Variants in KLF10 observed in about 807,000 individuals in gnomAD.
KLF10 encodes Krueppel-like factor 10.
KLF10 carries 17 observed loss-of-function variants against 31.6 expected under a neutral mutation model. That is an observed-to-expected ratio of 0.54 (90% CI 0.37 to 0.81). KLF10 has a LOEUF of 0.81. Ranked by LOEUF, KLF10 falls within the 30% of genes least tolerant of loss-of-function variation. The pLI, the probability that KLF10 is intolerant of heterozygous loss-of-function variation, is 0.00. For missense variants in KLF10, 525 were observed against 598.1 expected (o/e 0.88, Z 1.27); for synonymous variants, 239 against 215.1 (o/e 1.11, Z -0.97).
In KLF10 at chr8:102,655,617, C is replaced by T; in HGVS notation, c.-16G>A. ...AGTTGAGCATGGTTGGCTGCTTGGC[C>T]GCCGGCGGCAAGCTGACTGGCTGCT... On this transcript the variant is annotated 5_prime_UTR_variant, in exon 1 of 4. Transcript: ENST00000285407. 1 of 1,613,816 alleles carries T rather than the reference C, an allele frequency of 6.2e-7. No homozygotes were observed. Among genetic ancestry groups the T allele is most frequent in the Non-Finnish European group, 8.5e-7 (1 of 1,179,872 alleles).
Position 102,651,317 on chromosome 8 carries a change from T to C in KLF10, c.1015A>G (p.Thr339Ala). 6.2e-7 allele frequency: 1 copy of C among 1,601,104 alleles called. No homozygotes were observed. Among genetic ancestry groups the C allele is most frequent in the Non-Finnish European group, 8.5e-7 (1 of 1,174,128 alleles). Residue 339 changes from threonine to alanine, a missense_variant, in exon 3 of 4, where the codon ACC becomes GCC. Physicochemically the swap from Thr to Ala is moderately conservative, Grantham distance 58. Coordinates refer to ENST00000285407, the MANE Select transcript of KLF10 (RefSeq NM_005655.4). ...SKPPVVSPNG[T>A]RLSPIAPAPG... ...GCAGGGGCAATGGGAGAGAGTCTGG[T>C]GCCATTCGGGCTCACCACCGGAGGC...
intron 1 of KLF10, 43 bp from the exon 2 acceptor site, chr8:102,652,440 C>A: frequency 1.1e-5 from 12 of 1,103,706 alleles, no homozygotes; most frequent in Non-Finnish European, 1.4e-5. Context: ...TATTTTTTGT[C>A]ATCCAAATGA....
chr8:102,651,091 G>A (rs2131078479), intron 3 of KLF10, 58 bp downstream of exon 3: 10 of 1,425,828 alleles, frequency 7.0e-6, no homozygotes, highest in South Asian at 1.5e-5. Context: ...GTTTAAATGT[G>A]TGATCACAGC....
rs1242325946 is a variant in KLF10, at chr8:102,653,721, G to GT, written c.37-1325dup. 7 of 1,193,884 alleles carry GT rather than the reference G, an allele frequency of 5.9e-6. No homozygotes were observed. In the African/African-American group the frequency reaches 7.9e-5, roughly 14 times the overall value. The allele number at this position is 1,193,884 out of a possible 1,614,324, so 74.0% of individuals were successfully genotyped here. On this transcript the variant is annotated intron_variant, in intron 1 of 3. Coordinates refer to ENST00000285407, the MANE Select transcript of KLF10 (RefSeq NM_005655.4). ...GCTGCAATGGACAGCGCGCGTGTGT[G>GT]TAACAGCCCCAAGACGCCAATGCAA... is the stretch of plus-strand genomic sequence containing the variant.
At chr8:102,653,944 T>TG in intron 1 of KLF10, 1 of 987,004 alleles carries the variant, frequency 1.0e-6, no homozygotes, top group Non-Finnish European at 1.2e-6. Context: ...GACCGACGGA[T>TG]GGGGCCGCCC....
chr8:102,653,918 G>C (rs1226144899), intron 1 of KLF10: 1 of 987,070 alleles, frequency 1.0e-6, no homozygotes, highest in Non-Finnish European at 1.2e-6. Flanking sequence ...CGGCGGGGGA[G>C]ATCCTAGCTG....
Position 102,651,685 on chromosome 8 carries a change from G to T in KLF10, c.647C>A (p.Thr216Lys). Residue 216 changes from threonine to lysine, a missense_variant, in exon 3 of 4, where the codon ACA becomes AAA. By Grantham distance (78) the Thr-to-Lys change is moderately conservative. Coordinates refer to ENST00000285407, the MANE Select transcript of KLF10 (RefSeq NM_005655.4). ...TGCTTTCTCATCAACATCTGCCACT[G>T]TGTTTCTCTCACATTTGGATCTGTT... ...SPNRSKCERN[T>K]VADVDEKASA... is the part of the protein sequence containing the mutation. 6.2e-7 allele frequency: 1 copy of T among 1,614,228 alleles called. No individual in the cohort carries two copies. The highest frequency in any genetic ancestry group is 1.1e-5 in the South Asian group (1 of 91,090).
At chr8:102,650,902 T>A (rs1157794723) in intron 3 of KLF10, among the ~76,000 whole-genome samples, 1 of 152,204 alleles carries the variant, frequency 6.6e-6, no homozygotes, top group Non-Finnish European at 1.5e-5. Context: ...GAGGTCTCAG[T>A]ATGTTGCACA....
At chr8:102,650,864 T>C (rs1827191794) in intron 3 of KLF10, among the ~76,000 whole-genome samples, 2 of 152,246 alleles carry the variant, frequency 1.3e-5, no homozygotes. Flanking sequence ...AGTATTTACA[T>C]ACTTATTTTT....
At chr8:102,651,093 GATC>G in intron 3 of KLF10, 53 bp downstream of exon 3, 2 of 1,435,696 alleles carry the variant, frequency 1.4e-6, no homozygotes, top group Non-Finnish European at 1.9e-6. Flanking sequence ...TTAAATGTGT[GATC>G]ACAGCCAAAA....
rs1827292499 is a variant in KLF10 at position 102,654,009 on chromosome 8, C to CGTCCCCGCGCCCCT, written c.36+1543_36+1556dup. The stretch of plus-strand genomic sequence containing the variant: ...CTGGGAACATTCCTCGCCGCTCGCA[C>CGTCCCCGCGCCCCT]GTCCCCGCGCCCCTGCCCCCGCCAT... On this transcript the variant is annotated intron_variant, in intron 1 of 3. Coordinates refer to ENST00000285407, the MANE Select transcript of KLF10 (RefSeq NM_005655.4). The CGTCCCCGCGCCCCT allele has an allele frequency of 7.1e-6, 7 of 984,226 alleles. No individual in the cohort carries two copies. The South Asian group carries it at 2.8e-4, about 40-fold the overall frequency. 61.0% of individuals were successfully genotyped at this position (984,226 alleles called of 1,614,324 possible). A position where few individuals can be genotyped will look rare whatever the true frequency, so the allele number is the denominator to read the frequency against.
chr8:102,653,706 A>C (rs1827275902), intron 1 of KLF10: 1 of 1,234,538 alleles, frequency 8.1e-7, no homozygotes, highest in Non-Finnish European at 1.0e-6. Flanking sequence ...GCTGCAATGG[A>C]CAGCGCGCGT....
At chr8:102,652,924 A>T (rs1827252565) in intron 1 of KLF10, among the ~76,000 whole-genome samples, 1 of 152,138 alleles carries the variant, frequency 6.6e-6, no homozygotes, top group Non-Finnish European at 1.5e-5. Flanking sequence ...AAAAAAAAAT[A>T]GCCAAAACCT....
chr8:102,650,464 GTA>G lies in KLF10; in HGVS notation c.1184-75_1184-74del, dbSNP rs1441283948. On this transcript the variant is annotated intron_variant, in intron 3 of 3. Transcript: ENST00000285407. Reference sequence around the variant, plus strand: ...ATTATATGTTCAATTCTGTCTAAAAGTATATGAGAAGATACATTTTAAATAAT... The same window carrying G: ...ATTATATGTTCAATTCTGTCTAAAAGTATGAGAAGATACATTTTAAATAAT... 6 of 1,411,060 alleles carry G rather than the reference GTA, an allele frequency of 4.3e-6. No individual in the cohort carries two copies. The African/African-American group carries it at 4.3e-5, about 10-fold the overall frequency. 87.4% of individuals were successfully genotyped at this position (1,411,060 alleles called of 1,614,324 possible).
intron 1 of KLF10, among the ~76,000 whole-genome samples, chr8:102,655,146 C>T (rs561062341): frequency 6.6e-6 from 1 of 152,240 alleles, no homozygotes; most frequent in East Asian, 1.9e-4. Flanking sequence ...GACCGGGCAT[C>T]TCTCCTCGGT....
At chr8:102,653,786 C>T (rs1827279383) in intron 1 of KLF10, 1 of 1,061,274 alleles carries the variant, frequency 9.4e-7, no homozygotes, top group Non-Finnish European at 1.1e-6. Flanking sequence ...GGAAAGAGAG[C>T]GTGAGCTGGG....
At chr8:102,650,564 A>G (rs1827182688) in intron 3 of KLF10, among the ~76,000 whole-genome samples, 173 bp from the exon 4 acceptor site, 1 of 152,210 alleles carries the variant, frequency 6.6e-6, no homozygotes, top group African/African-American at 2.4e-5. Flanking sequence ...TCACTTGATC[A>G]CATTTACAAA....
chr8:102,653,529 T>C (rs1827267994), intron 1 of KLF10: 2 of 1,505,210 alleles, frequency 1.3e-6, no homozygotes, highest in East Asian at 4.9e-5. Flanking sequence ...AAAGTAGAGA[T>C]TGTGTAAAAA....
intron 1 of KLF10, among the ~76,000 whole-genome samples, chr8:102,654,721 AGGCCCCGGCTCCAGACGCGC>A (rs1340272724): frequency 7.3e-6 from 1 of 136,256 alleles, no homozygotes; most frequent in African/African-American, 2.8e-5. Flanking sequence ...CAGCCCCCAC[AGGCCCCGGCTCCAGACGCGC>A]GGCCCCCGCG....
Sources: gnomAD v4.1 joint callset for allele counts (sites outside exome capture counted in the v4.1 genomes callset) on GRCh38, gnomAD v4.1.1 for gene constraint, MANE v1.5 for transcripts, NCBI Gene and HGNC (gene_info 2026-07-23, HGNC 2026-07-21) for gene names.